The following NHLRC2 variants were observed in gnomAD, a reference collection of about 807,000 sequenced individuals.
The protein encoded by NHLRC2 is NHL repeat-containing protein 2.
In NHLRC2, 33 loss-of-function variants were observed where a neutral mutation model predicts 68.1. That is an observed-to-expected ratio of 0.48 (90% confidence interval 0.37 to 0.65). NHLRC2 has a LOEUF of 0.65. NHLRC2 is among the 30% of genes least tolerant of loss of function. The pLI, the probability that NHLRC2 is intolerant of heterozygous loss-of-function variation, is 0.00. For missense variants in NHLRC2, 761 were observed against 853.8 expected, an observed-to-expected ratio of 0.89 and a Z score of 1.35; for synonymous variants, 311 against 309.6, an observed-to-expected ratio of 1.00 and a Z score of -0.05.
chr10:113,916,250 A>C lies in NHLRC2; in HGVS notation c.*7714A>C, dbSNP rs1016203246. ...AATGTATTGTTCGTGCATGCCTGTG[A>C]TATTCATCATCAAAATATACCTGTA... On this transcript the variant is annotated 3_prime_UTR_variant, in exon 11 of 11. Coordinates refer to ENST00000369301, the MANE Select transcript of NHLRC2 (RefSeq NM_198514.4). 2 of 152,198 alleles carry C rather than the reference A, an allele frequency of 1.3e-5. No individual in the cohort carries two copies. The highest frequency in any genetic ancestry group is 3.8e-4 in the East Asian group (2 of 5,196). The allele number at this position is 152,198 out of a possible 1,614,324, so 9.4% of individuals were successfully genotyped here.
Position 113,903,603 on chromosome 10 carries a change from C to T in NHLRC2, c.1571C>T (p.Ser524Phe). ...GGAGACACAAATAATGTTACCAGTT[C>T]CAGTTTTACAGAGTCAACTTTTAAT... ...GTGDTNNVTS[S>F]SFTESTFNEP... is the part of the protein sequence containing the mutation. The change falls in exon 9 of 11, where the codon TCC becomes TTC. Residue 524 changes from serine to phenylalanine, a missense_variant. Ser to Phe is a radical substitution (Grantham distance 155, BLOSUM62 -2). Coordinates refer to ENST00000369301, the MANE Select transcript of NHLRC2 (RefSeq NM_198514.4). The T allele has an allele frequency of 6.2e-7, 1 of 1,612,372 alleles. No homozygotes were observed. The highest frequency in any genetic ancestry group is 8.5e-7 in the Non-Finnish European group (1 of 1,178,628).
chr10:113,892,292 G>C (rs1037473626), intron 5 of NHLRC2, among the ~76,000 whole-genome samples: 2 of 152,130 alleles, frequency 1.3e-5, no homozygotes, highest in African/African-American at 4.8e-5. Context: ...AATTATGAGT[G>C]AGTTTTGCCT....
intron 6 of NHLRC2, among the ~76,000 whole-genome samples, chr10:113,899,413 G>A (rs996354379): frequency 2.6e-5 from 4 of 152,210 alleles, no homozygotes; most frequent in African/African-American, 4.8e-5. Context: ...CAAATAGTGT[G>A]TATGTTTGTG....
At chr10:113,902,412 A>G (rs1331456060) in intron 7 of NHLRC2, 59 bp from the exon 8 acceptor site, 10 of 1,194,448 alleles carry the variant, frequency 8.4e-6, no homozygotes, top group African/African-American at 1.6e-5. Context: ...TCATATTCTA[A>G]CAAAACACTG....
chr10:113,876,097 G>A (rs759168196), intron 2 of NHLRC2, among the ~76,000 whole-genome samples: 19 of 150,248 alleles, frequency 1.3e-4, no homozygotes, highest in Non-Finnish European at 2.5e-4. Context: ...AATCTGTAAT[G>A]TAAAGTTAGA....
In NHLRC2 at chr10:113,916,166, C is replaced by G. The variant is rs1052736721; in HGVS notation, c.*7630C>G. 1 of 152,080 alleles carries G rather than the reference C, an allele frequency of 6.6e-6. No homozygotes were observed. Among genetic ancestry groups the G allele is most frequent in the Non-Finnish European group, 1.5e-5 (1 of 68,016 alleles). 9.4% of individuals were successfully genotyped at this position (152,080 alleles called of 1,614,324 possible). Reference sequence around the variant, plus strand: ...CTTTGAGCATGTACAGGGTGGGCTCCCTGTTGTATTTATTACACTTTTCAA... The same window carrying G: ...CTTTGAGCATGTACAGGGTGGGCTCGCTGTTGTATTTATTACACTTTTCAA... On this transcript the variant is annotated 3_prime_UTR_variant, in exon 11 of 11. Coordinates refer to ENST00000369301, the MANE Select transcript of NHLRC2 (RefSeq NM_198514.4).
At chr10:113,874,782 A>G (rs147745026) in intron 2 of NHLRC2, among the ~76,000 whole-genome samples, 171 of 151,450 alleles carry the variant, frequency 1.1e-3, no homozygotes, top group African/African-American at 3.9e-3. Flanking sequence ...AGATTGGATT[A>G]ATTTCTGTTG....
chr10:113,855,220 C>T (rs1845735039), intron 1 of NHLRC2, among the ~76,000 whole-genome samples, 170 bp downstream of exon 1: 2 of 152,308 alleles, frequency 1.3e-5, no homozygotes, highest in South Asian at 2.1e-4. Context: ...TCCCAGGGGT[C>T]CCCAAGCGGC....
Position 113,904,892 on chromosome 10 carries a change from C to G in NHLRC2, c.1780C>G (p.Leu594Val). Residue 594 changes from leucine (L) to valine (V), a missense_variant, in exon 10 of 11, where the codon CTA becomes GTA. Transcript: ENST00000369301. ...LVEKQKTLPK[L>V]PKSAPSIRLS... ...AGAAAAACAGAAGACATTACCCAAA[C>G]TACCTAAATCTGCTCCAAGCATTAG... is the stretch of plus-strand genomic sequence containing the variant. The G allele has an allele frequency of 6.2e-7, 1 of 1,611,884 alleles. No homozygotes were observed. Among genetic ancestry groups the G allele is most frequent in the African/African-American group, 1.3e-5 (1 of 74,836 alleles).
Position 113,910,552 on chromosome 10 carries a change from T to C in NHLRC2, c.*2016T>C, listed in dbSNP as rs1437013391. 1.3e-5 allele frequency: 2 copies of C among 152,244 alleles called. No individual in the cohort carries two copies. Among genetic ancestry groups the C allele is most frequent in the African/African-American group, 4.8e-5 (2 of 41,474 alleles). 9.4% of individuals were successfully genotyped at this position (152,244 alleles called of 1,614,324 possible). On this transcript the variant is annotated 3_prime_UTR_variant, in exon 11 of 11. Transcript: ENST00000369301. Reference sequence around the variant, plus strand: ...TTTGACTTATTATGTTTCTCATTTCTAGATGGACAGGATGAGAATATTTTG... The same window carrying C: ...TTTGACTTATTATGTTTCTCATTTCCAGATGGACAGGATGAGAATATTTTG...
At position 113,876,544 on chromosome 10, in the gene NHLRC2, C is replaced by A. The variant is rs867216305; in HGVS notation, c.355C>A (p.His119Asn). Residue 119 changes from histidine to asparagine, a missense_variant, in exon 3 of 11, where the codon CAC (histidine) becomes AAC (asparagine). Physicochemically the swap from His to Asn is moderately conservative, Grantham distance 68 (BLOSUM62 1). Coordinates refer to ENST00000369301, the MANE Select transcript of NHLRC2 (RefSeq NM_198514.4). ...AGATGGTCTTCTTATTATTGGTGTTCACTCGGCTAAGTTTCCAAATGAAAA... is the reference window on the plus strand; with the variant it reads ...AGATGGTCTTCTTATTATTGGTGTTAACTCGGCTAAGTTTCCAAATGAAAA... Reference protein sequence around the residue: ...DKDGLLIIGVHSAKFPNEKVL... With the variant: ...DKDGLLIIGVNSAKFPNEKVL... 1 of 1,600,778 alleles carries A rather than the reference C, an allele frequency of 6.2e-7. No homozygotes were observed.
chr10:113,894,152 G>C lies in NHLRC2; in HGVS notation c.1040-3958G>C, dbSNP rs373278608. Among the ~76,000 whole-genome samples the C allele has an allele frequency of 2.4e-3, 367 of 152,256 alleles. 1 individual carries two copies. The highest frequency in any genetic ancestry group is 8.0e-3 in the African/African-American group (334 of 41,544). ...GTGAGAAAAAGGAGGAATTAAAGAT[G>C]ACTCCAAGGCTTATGACCTGAGAAG... On this transcript the variant is annotated intron_variant, in intron 5 of 10. Transcript: ENST00000369301.
Position 113,879,473 on chromosome 10 carries a change from T to G in NHLRC2, c.788-101T>G, listed in dbSNP as rs535244390. On this transcript the variant is annotated intron_variant, in intron 3 of 10. Transcript: ENST00000369301. ...TTTAGTTTTTAGATGGACATACCAT[T>G]TTTTTATATTAAAATCCCAGCATTA... The G allele has an allele frequency of 5.6e-6, 6 of 1,073,764 alleles. No individual in the cohort carries two copies. In the East Asian group the frequency reaches 1.6e-4, roughly 29 times the overall value. The allele number at this position is 1,073,764 out of a possible 1,614,324, so 66.5% of individuals were successfully genotyped here.
At chr10:113,858,439 T>TAAA (rs1214345494) in intron 1 of NHLRC2, 89 bp from the exon 2 acceptor site, 2 of 854,306 alleles carry the variant, frequency 2.3e-6, no homozygotes, top group Non-Finnish European at 3.6e-6. Flanking sequence ...GCATTAGTCT[T>TAAA]AAAAAAAAAG....
At chr10:113,908,132 A>C in intron 10 of NHLRC2, 148 bp from the exon 11 acceptor site, 2 of 622,822 alleles carry the variant, frequency 3.2e-6, no homozygotes, top group Non-Finnish European at 5.6e-6. Context: ...TGTTATGTAT[A>C]TTTATGTCCT....
intron 5 of NHLRC2, among the ~76,000 whole-genome samples, chr10:113,894,447 G>A (rs1846160337): frequency 6.6e-6 from 1 of 152,028 alleles, no homozygotes; most frequent in Non-Finnish European, 1.5e-5. Context: ...CTTGCTTATT[G>A]ACCCTGTACC....
In NHLRC2 at chr10:113,854,766, G is replaced by A. The variant is rs1301623664; in HGVS notation, c.-107G>A. ...TTGGCGTGGAGTGGGGCTAGTGGAG[G>A]GTGAGGTGAATGCGCCGTTTGGAAA... On this transcript the variant is annotated 5_prime_UTR_variant, in exon 1 of 11. Coordinates refer to ENST00000369301, the MANE Select transcript of NHLRC2 (RefSeq NM_198514.4). 10 of 853,144 alleles carry A rather than the reference G, an allele frequency of 1.2e-5. No homozygotes were observed. Among genetic ancestry groups the A allele is most frequent in the Non-Finnish European group, 1.8e-5 (10 of 562,452 alleles). The allele number at this position is 853,144 out of a possible 1,614,324, so 52.8% of individuals were successfully genotyped here.
At chr10:113,856,699 C>G (rs1158552362) in intron 1 of NHLRC2, among the ~76,000 whole-genome samples, 1 of 152,040 alleles carries the variant, frequency 6.6e-6, no homozygotes, top group Non-Finnish European at 1.5e-5. Flanking sequence ...ACTAAAAAAA[C>G]ATATAATAAA....
intron 4 of NHLRC2, among the ~76,000 whole-genome samples, chr10:113,883,077 A>G (rs1380752625): frequency 6.6e-6 from 1 of 151,794 alleles, no homozygotes; most frequent in Non-Finnish European, 1.5e-5. Flanking sequence ...GCTTTTAATA[A>G]TGTTTGAAAT....
Sources: gnomAD v4.1 joint callset for allele counts (sites outside exome capture counted in the v4.1 genomes callset) on GRCh38, gnomAD v4.1.1 for gene constraint, MANE v1.5 for transcripts, NCBI Gene and HGNC (gene_info 2026-07-23, HGNC 2026-07-21) for gene names.